PHACTR1: variants seen among roughly 807,000 people sequenced by gnomAD.
PHACTR1 encodes the protein RPEL repeat containing 1.
A neutral mutation model predicts 69.2 loss-of-function variants in PHACTR1; 16 were observed. That is an observed-to-expected ratio of 0.23 (90% CI 0.16 to 0.35). The LOEUF (loss-of-function observed/expected upper bound fraction) is 0.35, where lower values mean the gene tolerates loss of function less well. PHACTR1 is among the 10% of genes least tolerant of loss of function. The pLI is 1.00. For synonymous variants in PHACTR1, 312 were observed against 284.5 expected, an observed-to-expected ratio of 1.10 and a Z score of -0.97; for missense variants, 510 against 734.7, an observed-to-expected ratio of 0.69 and a Z score of 3.54.
chr6:12,750,092 C>A (rs1039781033), intron 4 of PHACTR1, among the ~76,000 whole-genome samples: 1 of 152,146 alleles, frequency 6.6e-6, no homozygotes, highest in Non-Finnish European at 1.5e-5. Context: ...GGCCGCGCGC[C>A]CATGCGCAGG....
intron 4 of PHACTR1, among the ~76,000 whole-genome samples, chr6:12,775,925 A>C (rs1770006019): frequency 6.6e-6 from 1 of 152,222 alleles, no homozygotes; most frequent in South Asian, 2.1e-4. Context: ...ATGATTTATT[A>C]AATGCTTACT....
At chr6:12,832,481 A>G (rs928045941) in intron 4 of PHACTR1, among the ~76,000 whole-genome samples, 2 of 152,136 alleles carry the variant, frequency 1.3e-5, no homozygotes, top group Non-Finnish European at 2.9e-5. Flanking sequence ...ATGGCCTAAC[A>G]TGTCTCGAAT....
intron 4 of PHACTR1, among the ~76,000 whole-genome samples, chr6:13,012,119 C>T (rs918105138): frequency 3.3e-5 from 5 of 152,306 alleles, no homozygotes; most frequent in East Asian, 1.9e-4. Flanking sequence ...CTAGGGGAGG[C>T]GATGGCAGCT....
chr6:13,195,116 C>A (rs761762644), intron 7 of PHACTR1, among the ~76,000 whole-genome samples: 1 of 152,170 alleles, frequency 6.6e-6, no homozygotes, highest in Non-Finnish European at 1.5e-5. Context: ...CATCCCTAGG[C>A]GGGCCTCGTG....
chr6:12,769,472 A>T (rs1037277000), intron 4 of PHACTR1, among the ~76,000 whole-genome samples: 4 of 152,186 alleles, frequency 2.6e-5, no homozygotes, highest in African/African-American at 9.7e-5. Context: ...CTGGGTTTGA[A>T]TCCCACCTAC....
chr6:12,870,469 A>C (rs1055127632), intron 4 of PHACTR1, among the ~76,000 whole-genome samples: 2 of 152,330 alleles, frequency 1.3e-5, no homozygotes, highest in East Asian at 3.9e-4. Flanking sequence ...AATGATTTTT[A>C]CTAGAAAATG....
intron 4 of PHACTR1, among the ~76,000 whole-genome samples, chr6:12,893,483 T>A (rs1390203709): frequency 6.6e-6 from 1 of 152,234 alleles, no homozygotes; most frequent in East Asian, 1.9e-4. Context: ...TTTAGATATA[T>A]GCAAGATGAC....
chr6:12,982,122 A>G (rs1253339694), intron 4 of PHACTR1, among the ~76,000 whole-genome samples: 1 of 152,186 alleles, frequency 6.6e-6, no homozygotes, highest in Non-Finnish European at 1.5e-5. Context: ...AAACAGGTAA[A>G]TTGTAAGGTT....
At chr6:12,872,210 A>T (rs1782100008) in intron 4 of PHACTR1, among the ~76,000 whole-genome samples, 1 of 152,198 alleles carries the variant, frequency 6.6e-6, no homozygotes, top group African/African-American at 2.4e-5. Context: ...TTTATCTGTT[A>T]GCGGTACATA....
At chr6:12,854,039 G>A (rs1354676768) in intron 4 of PHACTR1, among the ~76,000 whole-genome samples, 2 of 152,184 alleles carry the variant, frequency 1.3e-5, no homozygotes, top group Non-Finnish European at 2.9e-5. Flanking sequence ...GGAACTACAT[G>A]TATTGACAAC....
intron 4 of PHACTR1, among the ~76,000 whole-genome samples, chr6:12,882,352 G>A (rs1362111008): frequency 6.6e-6 from 1 of 152,106 alleles, no homozygotes; most frequent in Non-Finnish European, 1.5e-5. Context: ...AAGAGGGAAG[G>A]CGGATTGAGC....
At chr6:12,979,197 A>T (rs1795218253) in intron 4 of PHACTR1, among the ~76,000 whole-genome samples, 1 of 152,198 alleles carries the variant, frequency 6.6e-6, no homozygotes, top group South Asian at 2.1e-4. Context: ...CTTCAGGTGG[A>T]GGAGGCGGAA....
rs182123456 is a variant in PHACTR1 at position 12,803,039 on chromosome 6, G to A, written c.250+53249G>A. ...TGATATGATGAAGGTGAACACGTGTGTTAAAATTCCAGGCTGCCATAACTT... is the reference window on the plus strand; with the variant it reads ...TGATATGATGAAGGTGAACACGTGTATTAAAATTCCAGGCTGCCATAACTT... On this transcript the variant is annotated intron_variant, in intron 4 of 14. Transcript: ENST00000332995. Among the ~76,000 whole-genome samples, 109 of 152,336 alleles carry A rather than the reference G, an allele frequency of 7.2e-4. 3 individuals carry two copies. Among genetic ancestry groups the A allele is most frequent in the Admixed American group, 7.1e-3 (109 of 15,298 alleles).
At chr6:12,749,839 CT>C in intron 4 of PHACTR1, 49 bp downstream of exon 4, 1 of 1,468,386 alleles carries the variant, frequency 6.8e-7, no homozygotes, top group South Asian at 1.4e-5. Context: ...TGCTCCCTCC[CT>C]CCCCGGCTGT....
At chr6:12,846,693 A>G (rs531390318) in intron 4 of PHACTR1, among the ~76,000 whole-genome samples, 3 of 148,926 alleles carry the variant, frequency 2.0e-5, no homozygotes, top group Non-Finnish European at 3.0e-5. Flanking sequence ...AATGTATAAC[A>G]TCATCACCTT....
intron 10 of PHACTR1, among the ~76,000 whole-genome samples, chr6:13,248,121 G>A (rs940382578): frequency 1.3e-5 from 2 of 152,190 alleles, no homozygotes; most frequent in Non-Finnish European, 2.9e-5. Context: ...CTGCTGAGCA[G>A]CCTTGGCCCT....
At chr6:13,208,192 C>T (rs757310103) in intron 8 of PHACTR1, among the ~76,000 whole-genome samples, 9 of 152,162 alleles carry the variant, frequency 5.9e-5, no homozygotes, top group Non-Finnish European at 7.3e-5. Context: ...ACATCATCTA[C>T]GGAAACGGAG....
intron 5 of PHACTR1, among the ~76,000 whole-genome samples, chr6:13,125,025 C>T (rs1226743276): frequency 6.6e-6 from 1 of 151,962 alleles, no homozygotes; most frequent in Non-Finnish European, 1.5e-5. Flanking sequence ...TCCTGAAGCA[C>T]CAGTAAAATG....
chr6:12,762,493 T>C (rs939006380), intron 4 of PHACTR1, among the ~76,000 whole-genome samples: 3 of 152,222 alleles, frequency 2.0e-5, no homozygotes, highest in African/African-American at 7.2e-5. Context: ...ATTACAATTG[T>C]GAAAAATTTC....
Sources: allele counts gnomAD v4.1 joint callset (sites outside exome capture counted in the v4.1 genomes callset), GRCh38; gene constraint gnomAD v4.1.1; transcripts MANE v1.5; gene names NCBI Gene and HGNC (gene_info 2026-07-23, HGNC 2026-07-21).